RGL1: variants seen among roughly 807,000 people sequenced by gnomAD.
The protein encoded by RGL1 is ral guanine nucleotide dissociation stimulator like 1, also known as ral guanine nucleotide dissociation stimulator-like 1.
In RGL1, 24 loss-of-function variants were observed where a neutral mutation model predicts 95.2. The observed-to-expected ratio is 0.25, with a 90% CI of 0.18 to 0.35. The LOEUF (loss-of-function observed/expected upper bound fraction) is 0.35. Among genes scored for constraint, RGL1 ranks in the 10% least tolerant of loss-of-function variants. The pLI is 1.00. For missense variants in RGL1, 715 were observed against 936.3 expected (o/e 0.76, Z 3.08); for synonymous variants, 329 against 344.9 (o/e 0.95, Z 0.51).
chr1:183,914,468 G>A (rs561363573), intron 15 of RGL1, among the ~76,000 whole-genome samples: 20 of 152,172 alleles, frequency 1.3e-4, no homozygotes, highest in Non-Finnish European at 2.2e-4. Context: ...AGAAAGGCTC[G>A]TGATTCTCCT....
chr1:183,882,888 A>G (rs1023217513), intron 5 of RGL1, among the ~76,000 whole-genome samples: 6 of 152,216 alleles, frequency 3.9e-5, no homozygotes, highest in African/African-American at 1.4e-4. Context: ...TAACATGCTG[A>G]TTTACATTTC....
At position 183,847,688 on chromosome 1, in the gene RGL1, C is replaced by A; in HGVS notation, c.261C>A (p.Asp87Glu). Residue 87 changes from aspartate to glutamate, a missense_variant, in exon 3 of 18, where the codon GAC (aspartate) becomes GAA (glutamate). By Grantham distance (45) the Asp-to-Glu change is conservative (BLOSUM62 2). Transcript: ENST00000360851. ...AGAACCTGCTGACAGCTTTTGGGGACAATGACTTTACCTATATCAGCATCT... is the reference window on the plus strand; with the variant it reads ...AGAACCTGCTGACAGCTTTTGGGGAAAATGACTTTACCTATATCAGCATCT... ...LVENLLTAFG[D>E]NDFTYISIFL... The A allele has an allele frequency of 6.2e-7, 1 of 1,614,072 alleles. No homozygotes were observed. The highest frequency in any genetic ancestry group is 1.3e-5 in the African/African-American group (1 of 75,042).
chr1:183,715,607 G>T (rs1655571211), intron 1 of RGL1, among the ~76,000 whole-genome samples: 1 of 152,052 alleles, frequency 6.6e-6, no homozygotes. Flanking sequence ...ACTAAGAATT[G>T]CTATTATTTT....
chr1:183,759,615 A>C (rs1429717459), intron 2 of RGL1, among the ~76,000 whole-genome samples: 1 of 152,232 alleles, frequency 6.6e-6, no homozygotes, highest in Admixed American at 6.5e-5. Context: ...TCCTTGGGAC[A>C]CATCTTACCA....
intron 2 of RGL1, among the ~76,000 whole-genome samples, chr1:183,846,414 G>T (rs1391917225): frequency 2.0e-5 from 3 of 152,030 alleles, no homozygotes; most frequent in African/African-American, 7.2e-5. Flanking sequence ...ACAGACTAGG[G>T]GAGGGATAGC....
chr1:183,835,599 T>TC (rs1162221859), intron 2 of RGL1, among the ~76,000 whole-genome samples: 7 of 152,166 alleles, frequency 4.6e-5, no homozygotes, highest in Non-Finnish European at 8.8e-5. Context: ...GGATTTTGTT[T>TC]CCCCCCAAAG....
chr1:183,727,342 C>T (rs942325350), intron 1 of RGL1, among the ~76,000 whole-genome samples: 2 of 152,056 alleles, frequency 1.3e-5, no homozygotes, highest in African/African-American at 2.4e-5. Flanking sequence ...AATCATCTTC[C>T]AGTAAACTAA....
At chr1:183,788,985 T>C (rs561908600) in intron 2 of RGL1, among the ~76,000 whole-genome samples, 26 of 152,316 alleles carry the variant, frequency 1.7e-4, no homozygotes, top group African/African-American at 6.0e-4. Flanking sequence ...ACCTAAGAGA[T>C]TGTTTTCTTT....
At chr1:183,651,307 G>A (rs1650733962) in intron 1 of RGL1, among the ~76,000 whole-genome samples, 1 of 152,106 alleles carries the variant, frequency 6.6e-6, no homozygotes, top group South Asian at 2.1e-4. Flanking sequence ...ACTGACCATT[G>A]CAACAGAATA....
intron 1 of RGL1, among the ~76,000 whole-genome samples, chr1:183,688,553 G>T (rs1308105570): frequency 6.6e-6 from 1 of 152,038 alleles, no homozygotes; most frequent in African/African-American, 2.4e-5. Flanking sequence ...CAAGACTGAC[G>T]CCTCTGCAAC....
Position 183,805,336 on chromosome 1 carries a change from T to G in RGL1, c.27+12T>G. 1.2e-6 allele frequency: 2 copies of G among 1,607,580 alleles called. No individual in the cohort carries two copies. The highest frequency in any genetic ancestry group is 1.7e-5 in the Admixed American group (1 of 59,862). On this transcript the variant is annotated intron_variant, in intron 1 of 17. Coordinates refer to ENST00000360851, the MANE Select transcript of RGL1 (RefSeq NM_001297671.3). ...GGCAAGCTAAAATGGTAACGAGAGC[T>G]CTCTGCCTTCTCCCGAGGCTTCTCT... is the stretch of plus-strand genomic sequence containing the variant.
chr1:183,833,958 C>T (rs1663445660), intron 2 of RGL1, among the ~76,000 whole-genome samples: 1 of 87,092 alleles, frequency 1.1e-5, no homozygotes, highest in African/African-American at 4.2e-5. Flanking sequence ...AGCCATATCT[C>T]TCTCTGTTTT....
chr1:183,848,711 A>G (rs1295855680), intron 3 of RGL1, among the ~76,000 whole-genome samples: 1 of 152,234 alleles, frequency 6.6e-6, no homozygotes, highest in Non-Finnish European at 1.5e-5. Flanking sequence ...ATTTAAAAAT[A>G]TTAGTAGTAA....
intron 2 of RGL1, among the ~76,000 whole-genome samples, chr1:183,789,072 G>A (rs1660321106): frequency 1.3e-5 from 2 of 152,230 alleles, no homozygotes; most frequent in South Asian, 4.1e-4. Context: ...TTATCATATG[G>A]TAGTGTAAGT....
chr1:183,671,996 G>A (rs939010718), intron 1 of RGL1, among the ~76,000 whole-genome samples: 16 of 150,062 alleles, frequency 1.1e-4, no homozygotes, highest in African/African-American at 3.9e-4. Flanking sequence ...GCAGTGGCGC[G>A]ATCTTGGCTC....
intron 1 of RGL1, among the ~76,000 whole-genome samples, chr1:183,805,971 C>CTTTTCTTTTCTTTTTTTTTTTT (rs1661282214): frequency 1.3e-5 from 1 of 74,676 alleles, no homozygotes; most frequent in African/African-American, 5.1e-5. Context: ...CTTTTCTTTT[C>CTTTTCTTTTCTTTTTTTTTTTT]TTTTTTTTTT....
chr1:183,864,059 T>G (rs1665678803), intron 3 of RGL1, among the ~76,000 whole-genome samples: 1 of 152,144 alleles, frequency 6.6e-6, no homozygotes, highest in South Asian at 2.1e-4. Context: ...AACCTGCACC[T>G]CAGCTCTGAG....
At chr1:183,841,768 A>G (rs1186263302) in intron 2 of RGL1, among the ~76,000 whole-genome samples, 1 of 152,194 alleles carries the variant, frequency 6.6e-6, no homozygotes, top group Non-Finnish European at 1.5e-5. Flanking sequence ...CAGTTGAGTA[A>G]TATGGAGAGA....
chr1:183,847,525 G>T, intron 2 of RGL1, 41 bp from the exon 3 acceptor site: 2 of 1,521,582 alleles, frequency 1.3e-6, no homozygotes, highest in East Asian at 2.3e-5. Flanking sequence ...TTACTTTAGG[G>T]AGTCATTTCT....
Sources: gnomAD v4.1 joint callset for allele counts (sites outside exome capture counted in the v4.1 genomes callset) on GRCh38, gnomAD v4.1.1 for gene constraint, MANE v1.5 for transcripts, NCBI Gene and HGNC (gene_info 2026-07-23, HGNC 2026-07-21) for gene names.